DENND2A: variants seen among roughly 807,000 people sequenced by gnomAD.
DENND2A encodes DENN domain-containing protein 2A.
Under a neutral mutation model 105.3 loss-of-function variants are expected in DENND2A, and 53 were observed. The observed-to-expected ratio is 0.50, with a 90% CI of 0.40 to 0.63. The LOEUF is 0.63. Among genes scored for constraint, DENND2A ranks in the 30% least tolerant of loss-of-function variants. DENND2A has a pLI of 0.00. For missense variants in DENND2A, 1,138 were observed against 1,279.6 expected (o/e 0.89, Z 1.69); for synonymous variants, 522 against 508.4 (o/e 1.03, Z -0.36).
intron 19 of DENND2A, among the ~76,000 whole-genome samples, chr7:140,519,048 A>G (rs1242841261): frequency 5.9e-5 from 9 of 152,214 alleles, no homozygotes; most frequent in Non-Finnish European, 5.9e-5. Flanking sequence ...GAAAGTGCCC[A>G]GCAATGCTGT....
rs771501270 is a variant in DENND2A at position 140,522,040 on chromosome 7, T to C, written c.2726A>G (p.Glu909Gly). 15 of 1,613,886 alleles carry C rather than the reference T, an allele frequency of 9.3e-6. No homozygotes were observed. The highest frequency in any genetic ancestry group is 1.3e-5 in the Non-Finnish European group (15 of 1,180,032). Residue 909 changes from glutamate (E) to glycine (G), a missense_variant, in exon 18 of 20, where the codon GAG (glutamate) becomes GGG (glycine). Physicochemically the swap from Glu to Gly is moderately conservative, Grantham distance 98. Transcript: ENST00000496613. ...VSEAFVRFFV[E>G]IVGHYSLFLT... The stretch of plus-strand genomic sequence containing the variant: ...GAACAAAGAGTAGTGTCCCACAATC[T>C]CCACGAAGAAGCGGACAAAGGCTTC...
chr7:140,525,137 C>A (rs1796010403), intron 16 of DENND2A, among the ~76,000 whole-genome samples: 1 of 145,938 alleles, frequency 6.9e-6, no homozygotes, highest in Non-Finnish European at 1.5e-5. Flanking sequence ...GCCTGGGCAA[C>A]ATAGTGAGAC....
chr7:140,602,149 C>G lies in DENND2A; in HGVS notation c.249G>C (p.Arg83Ser). The change falls in exon 3 of 20, where the codon AGG (arginine) becomes AGC (serine). Residue 83 changes from arginine to serine, a missense_variant. By Grantham distance (110) the Arg-to-Ser change is moderately radical. Coordinates refer to ENST00000496613, the MANE Select transcript of DENND2A (RefSeq NM_015689.5). ...DYLPSSTVERRSSDGVRTQVT... is the reference protein window; with the variant it reads ...DYLPSSTVERSSSDGVRTQVT... ...CCTGAGTTCTCACCCCATCACTACT[C>G]CTCCTCTCCACCGTAGAGGACGGCA... The G allele has an allele frequency of 6.2e-7, 1 of 1,614,216 alleles. No individual in the cohort carries two copies. The highest frequency in any genetic ancestry group is 8.5e-7 in the Non-Finnish European group (1 of 1,180,048).
chr7:140,524,233 C>T (rs1482351927), intron 16 of DENND2A, among the ~76,000 whole-genome samples: 4 of 152,184 alleles, frequency 2.6e-5, no homozygotes, highest in African/African-American at 9.7e-5. Context: ...AATGTGGCAA[C>T]ACTTGGAAGT....
chr7:140,554,606 G>A (rs1797283906), intron 12 of DENND2A, among the ~76,000 whole-genome samples: 1 of 152,018 alleles, frequency 6.6e-6, no homozygotes, highest in African/African-American at 2.4e-5. Context: ...ACTACACTCC[G>A]GCCTGGGTGA....
At chr7:140,520,738 T>C (rs1455050012) in intron 18 of DENND2A, among the ~76,000 whole-genome samples, 1 of 150,454 alleles carries the variant, frequency 6.6e-6, no homozygotes, top group Non-Finnish European at 1.5e-5. Context: ...TTTGTATTTT[T>C]AGTAGAGACA....
intron 3 of DENND2A, among the ~76,000 whole-genome samples, chr7:140,592,598 C>CTT (rs59623254): frequency 9.7e-5 from 14 of 144,254 alleles, no homozygotes; most frequent in African/African-American, 3.3e-4. Context: ...GTGCCCTGCC[C>CTT]TTTTTTTTTT....
At chr7:140,617,234 C>T (rs1459628198) in intron 1 of DENND2A, among the ~76,000 whole-genome samples, 1 of 152,232 alleles carries the variant, frequency 6.6e-6, no homozygotes, top group Non-Finnish European at 1.5e-5. Flanking sequence ...GCTACCAGCA[C>T]AAAGTGCGTG....
At chr7:140,562,798 A>G (rs1797685157) in intron 9 of DENND2A, among the ~76,000 whole-genome samples, 1 of 152,228 alleles carries the variant, frequency 6.6e-6, no homozygotes, top group Admixed American at 6.5e-5. Flanking sequence ...GGTAAAACAC[A>G]GTCACTATTT....
At position 140,538,892 on chromosome 7, in the gene DENND2A, C is replaced by T. The variant is rs182899473; in HGVS notation, c.2327+5726G>A. Among the ~76,000 whole-genome samples, 45 of 152,216 alleles carry T rather than the reference C, an allele frequency of 3.0e-4. 1 individual carries two copies. The highest frequency in any genetic ancestry group is 1.8e-3 in the Admixed American group (27 of 15,276). On this transcript the variant is annotated intron_variant, in intron 14 of 19. Transcript: ENST00000496613. ...AGGTTGGAGTGCAGTGGCTCAATCT[C>T]AGCTTACTGTAACCTCTGCCTCCTA...
At chr7:140,547,884 C>T (rs1403754639) in intron 12 of DENND2A, among the ~76,000 whole-genome samples, 2 of 152,076 alleles carry the variant, frequency 1.3e-5, no homozygotes, top group Non-Finnish European at 2.9e-5. Flanking sequence ...CATAAAAGGC[C>T]ATCTAATGTA....
intron 8 of DENND2A, 89 bp downstream of exon 8, chr7:140,568,674 G>T: frequency 1.5e-6 from 2 of 1,366,052 alleles, no homozygotes; most frequent in Non-Finnish European, 2.1e-6. Context: ...CCGGCAGGAC[G>T]CTTCTGTCCC....
At chr7:140,548,421 C>G (rs1796991252) in intron 12 of DENND2A, among the ~76,000 whole-genome samples, 1 of 151,732 alleles carries the variant, frequency 6.6e-6, no homozygotes, top group Admixed American at 6.6e-5. Context: ...ACTTGGAAGG[C>G]TGAGGCAGGA....
chr7:140,553,161 A>C (rs577327573), intron 12 of DENND2A, among the ~76,000 whole-genome samples: 3 of 152,170 alleles, frequency 2.0e-5, no homozygotes, highest in Admixed American at 6.6e-5. Context: ...GTATTTATTG[A>C]TCATTCGTGG....
At chr7:140,619,787 A>G (rs547980104) in intron 1 of DENND2A, among the ~76,000 whole-genome samples, 1 of 152,064 alleles carries the variant, frequency 6.6e-6, no homozygotes, top group East Asian at 1.9e-4. Flanking sequence ...GGTGTGAGCC[A>G]CTGCACCCAG....
At chr7:140,554,379 C>T (rs1337519938) in intron 12 of DENND2A, among the ~76,000 whole-genome samples, 1 of 152,106 alleles carries the variant, frequency 6.6e-6, no homozygotes, top group Non-Finnish European at 1.5e-5. Context: ...GTGGCTCACG[C>T]CTATAATCCC....
chr7:140,535,539 G>A (rs1054816396), intron 14 of DENND2A, among the ~76,000 whole-genome samples: 3 of 151,842 alleles, frequency 2.0e-5, no homozygotes, highest in Admixed American at 6.6e-5. Flanking sequence ...CTAGATCATC[G>A]CTAGATCGTT....
At chr7:140,609,605 A>G (rs1400310913) in intron 1 of DENND2A, among the ~76,000 whole-genome samples, 1 of 152,230 alleles carries the variant, frequency 6.6e-6, no homozygotes, top group Non-Finnish European at 1.5e-5. Flanking sequence ...AAGAGTTCAT[A>G]TATTTTTTGT....
chr7:140,606,658 G>A (rs1198474471), intron 1 of DENND2A, among the ~76,000 whole-genome samples: 1 of 152,144 alleles, frequency 6.6e-6, no homozygotes, highest in Non-Finnish European at 1.5e-5. Context: ...TCCAAACTGA[G>A]GAGGAAGAAA....
Sources: gnomAD v4.1 joint callset for allele counts (sites outside exome capture counted in the v4.1 genomes callset) on GRCh38, gnomAD v4.1.1 for gene constraint, MANE v1.5 for transcripts, NCBI Gene and HGNC (gene_info 2026-07-23, HGNC 2026-07-21) for gene names.